Variants in DPP6 observed in about 807,000 individuals in gnomAD.
DPP6 encodes dipeptidyl peptidase like 6, also known as A-type potassium channel modulatory protein DPP6.
Under a neutral mutation model 122.6 loss-of-function variants are expected in DPP6, and 69 were observed. That is an observed-to-expected ratio of 0.56 (90% CI 0.46 to 0.69). The LOEUF is 0.69. Ranked by LOEUF, DPP6 falls within the 30% of genes least tolerant of loss-of-function variation. The probability of loss-of-function intolerance (pLI) is 0.00; values close to 1 mark genes in which losing one functional copy is unlikely to be tolerated. For missense variants in DPP6, 928 were observed against 1,116.9 expected (o/e 0.83, Z 2.41); for synonymous variants, 418 against 433.1 (o/e 0.97, Z 0.43).
At chr7:153,966,366 G>C (rs565350801) in intron 1 of DPP6, among the ~76,000 whole-genome samples, 1 of 150,102 alleles carries the variant, frequency 6.7e-6, no homozygotes, top group African/African-American at 2.5e-5. Flanking sequence ...GAGAAAACAC[G>C]CATCCTCACC....
intron 18 of DPP6, 40 bp downstream of exon 18, chr7:154,868,133 A>C: frequency 3.2e-6 from 5 of 1,558,650 alleles, no homozygotes; most frequent in Non-Finnish European, 4.3e-6. Context: ...AAAAAGAAAA[A>C]GAAAACGTGG....
chr7:153,977,086 A>G (rs953527729), intron 1 of DPP6, among the ~76,000 whole-genome samples: 63 of 152,218 alleles, frequency 4.1e-4, no homozygotes, highest in African/African-American at 1.5e-3. Context: ...AGCCTTAAAT[A>G]CAGAAATCTT....
chr7:154,113,428 CACAT>C (rs200157083), intron 1 of DPP6, among the ~76,000 whole-genome samples: 145 of 151,206 alleles, frequency 9.6e-4, no homozygotes, highest in African/African-American at 3.2e-3. Flanking sequence ...CACACACACA[CACAT>C]ACACACAACA....
rs749864366 is a variant in DPP6 at position 154,892,484 on chromosome 7, C to T, written c.*4C>T. ...AGAGGACGAGGAGGAGGACTAAGCTCAGGTCGCTCTAAGCACAAACGTGGC... is the reference window on the plus strand; with the variant it reads ...AGAGGACGAGGAGGAGGACTAAGCTTAGGTCGCTCTAAGCACAAACGTGGC... On this transcript the variant is annotated 3_prime_UTR_variant, in exon 26 of 26. Transcript: ENST00000377770. 8 of 1,613,774 alleles carry T rather than the reference C, an allele frequency of 5.0e-6. No individual in the cohort carries two copies. The highest frequency in any genetic ancestry group is 8.5e-7 in the Non-Finnish European group (1 of 1,179,852).
intron 1 of DPP6, among the ~76,000 whole-genome samples, chr7:154,242,620 A>C (rs116528783): frequency 0.05 from 7,671 of 152,320 alleles, 218 homozygotes; most frequent in African/African-American, 0.078. Flanking sequence ...GGTGAGGCTC[A>C]GTTTGCCCCA....
At chr7:154,140,785 T>G (rs1387695567) in intron 1 of DPP6, among the ~76,000 whole-genome samples, 4 of 152,220 alleles carry the variant, frequency 2.6e-5, no homozygotes, top group African/African-American at 9.7e-5. Flanking sequence ...TTAACCACAA[T>G]GCTTGGCGAA....
chr7:154,135,574 C>A (rs1795509288), intron 1 of DPP6, among the ~76,000 whole-genome samples: 1 of 151,638 alleles, frequency 6.6e-6, no homozygotes, highest in African/African-American at 2.4e-5. Flanking sequence ...TAAACACATA[C>A]TTCCTCTCTG....
intron 1 of DPP6, among the ~76,000 whole-genome samples, chr7:154,279,247 T>C (rs1383614629): frequency 6.6e-6 from 1 of 152,146 alleles, no homozygotes; most frequent in Non-Finnish European, 1.5e-5. Flanking sequence ...TATGTGTGTG[T>C]GGCATGCATG....
chr7:154,123,971 A>G (rs1343896557), intron 1 of DPP6, among the ~76,000 whole-genome samples: 3 of 151,234 alleles, frequency 2.0e-5, no homozygotes, highest in African/African-American at 7.3e-5. Context: ...CCCACTCACT[A>G]TGATTACCTG....
chr7:154,423,385 G>A (rs1344201997), intron 1 of DPP6, among the ~76,000 whole-genome samples: 5 of 152,272 alleles, frequency 3.3e-5, no homozygotes, highest in African/African-American at 1.2e-4. Flanking sequence ...CAGACACAGA[G>A]GCTCTGTCCT....
intron 1 of DPP6, among the ~76,000 whole-genome samples, chr7:153,982,753 C>T (rs991984136): frequency 7.9e-5 from 12 of 152,126 alleles, no homozygotes; most frequent in African/African-American, 2.7e-4. Flanking sequence ...TTGTTTATGT[C>T]GATGCTATTC....
intron 8 of DPP6, among the ~76,000 whole-genome samples, chr7:154,767,582 C>A (rs1490904804): frequency 6.6e-6 from 1 of 152,182 alleles, no homozygotes; most frequent in Non-Finnish European, 1.5e-5. Flanking sequence ...CCTCCACAGG[C>A]CTCTGAGCTT....
chr7:154,399,119 G>A (rs543117795), intron 1 of DPP6, among the ~76,000 whole-genome samples: 11 of 152,238 alleles, frequency 7.2e-5, no homozygotes, highest in African/African-American at 2.6e-4. Flanking sequence ...AGAGACCAAA[G>A]CAACAATGAC....
chr7:153,792,622 T>C, the DPP6 span, among the ~76,000 whole-genome samples: 1 of 152,246 alleles, frequency 6.6e-6, no homozygotes, highest in Non-Finnish European at 1.5e-5. Flanking sequence ...TTTGTTGAAA[T>C]TGTTGAATTT....
chr7:154,098,531 A>C (rs1211164556), intron 1 of DPP6, among the ~76,000 whole-genome samples: 3 of 152,030 alleles, frequency 2.0e-5, no homozygotes, highest in Non-Finnish European at 1.5e-5. Flanking sequence ...CCAAGAAGGA[A>C]ACAAAGACTT....
rs540744004 is a variant in DPP6, at chr7:154,796,023, C to T, written c.1299+140C>T. 11 of 1,349,806 alleles carry T rather than the reference C, an allele frequency of 8.1e-6. No individual in the cohort carries two copies. In the Admixed American group the frequency reaches 8.9e-5, roughly 11 times the overall value. The allele number at this position is 1,349,806 out of a possible 1,614,324, so 83.6% of individuals were successfully genotyped here. ...CCCCAGGCAGAAACAGACGGCGTGC[C>T]GGCTCCACTCACGGTGCCTCCCGTT... On this transcript the variant is annotated intron_variant, in intron 12 of 25. Coordinates refer to ENST00000377770, the MANE Select transcript of DPP6 (RefSeq NM_130797.4).
intron 1 of DPP6, among the ~76,000 whole-genome samples, chr7:154,236,809 G>A (rs12703329): frequency 0.57 from 86,934 of 152,040 alleles, 28,787 homozygotes; most frequent in Non-Finnish European, 0.72. Flanking sequence ...CTATTCTGCT[G>A]CACTTACACA....
chr7:154,469,724 T>C (rs1222702795), intron 2 of DPP6, among the ~76,000 whole-genome samples: 1 of 152,214 alleles, frequency 6.6e-6, no homozygotes, highest in Non-Finnish European at 1.5e-5. Context: ...ATAGCATGGA[T>C]TCTACCTCTT....
intron 7 of DPP6, among the ~76,000 whole-genome samples, chr7:154,720,210 G>A (rs180856477): frequency 1.4e-4 from 22 of 152,296 alleles, no homozygotes; most frequent in Non-Finnish European, 2.9e-4. Context: ...ATGGACTGAG[G>A]AGGGAACACA....
Sources: allele counts gnomAD v4.1 joint callset (sites outside exome capture counted in the v4.1 genomes callset), GRCh38; gene constraint gnomAD v4.1.1; transcripts MANE v1.5; gene names NCBI Gene and HGNC (gene_info 2026-07-23, HGNC 2026-07-21).